The following CCDC93 variants were observed in gnomAD, a reference collection of about 807,000 sequenced individuals.
CCDC93 encodes coiled-coil domain-containing protein 93.
CCDC93 carries 61 observed loss-of-function variants against 108.2 expected under a neutral mutation model. The observed-to-expected ratio is 0.56, with a 90% CI of 0.46 to 0.70. The LOEUF is 0.70. Among genes scored for constraint, CCDC93 ranks in the 30% least tolerant of loss-of-function variants. The pLI is 0.00. For missense variants in CCDC93, 685 were observed against 764.2 expected, an observed-to-expected ratio of 0.90 and a Z score of 1.22; for synonymous variants, 276 against 260.4, an observed-to-expected ratio of 1.06 and a Z score of -0.58.
intron 13 of CCDC93, 55 bp downstream of exon 13, chr2:117,952,318 G>T: frequency 8.4e-7 from 1 of 1,191,266 alleles, no homozygotes; most frequent in Non-Finnish European, 1.3e-6. Flanking sequence ...AGTGGTTCAG[G>T]TCAAAAACAA....
intron 21 of CCDC93, 57 bp downstream of exon 21, chr2:117,936,645 G>A: frequency 2.9e-6 from 4 of 1,380,926 alleles, no homozygotes; most frequent in Non-Finnish European, 4.1e-6. Flanking sequence ...GAGGTGGGCT[G>A]AATTCAAAGC....
At chr2:117,920,622 T>C (rs1422792824) in intron 23 of CCDC93, among the ~76,000 whole-genome samples, 4 of 152,042 alleles carry the variant, frequency 2.6e-5, no homozygotes, top group South Asian at 2.1e-4. Flanking sequence ...AGACTGAAAA[T>C]AGGATGAGAG....
chr2:117,989,816 A>G (rs1374062878), intron 6 of CCDC93, among the ~76,000 whole-genome samples: 2 of 152,220 alleles, frequency 1.3e-5, no homozygotes, highest in Admixed American at 6.5e-5. Context: ...GTGTACTATT[A>G]TTAACATTGC....
intron 23 of CCDC93, among the ~76,000 whole-genome samples, chr2:117,930,369 G>GA (rs1219666550): frequency 6.6e-6 from 1 of 152,160 alleles, no homozygotes; most frequent in African/African-American, 2.4e-5. Context: ...AGTCTTTTTG[G>GA]AAAATCTCTT....
intron 11 of CCDC93, among the ~76,000 whole-genome samples, chr2:117,958,696 G>T (rs551216118): frequency 8.1e-4 from 124 of 152,214 alleles, no homozygotes; most frequent in African/African-American, 2.9e-3. Context: ...TGGGCTGAGG[G>T]AACAGCATGT....
intron 23 of CCDC93, chr2:117,921,585 G>C (rs959333126): frequency 1.3e-5 from 2 of 152,144 alleles, no homozygotes; most frequent in African/African-American, 2.4e-5. Flanking sequence ...TTTCCTGGAG[G>C]TGCATTTATT....
intron 8 of CCDC93, among the ~76,000 whole-genome samples, chr2:117,976,113 A>C (rs1679934926): frequency 6.6e-6 from 1 of 152,168 alleles, no homozygotes; most frequent in Admixed American, 6.5e-5. Flanking sequence ...CAACTCTAGG[A>C]TGCTTTTCTA....
intron 1 of CCDC93, among the ~76,000 whole-genome samples, chr2:118,009,816 C>A (rs1259995827): frequency 6.6e-6 from 1 of 152,142 alleles, no homozygotes; most frequent in Non-Finnish European, 1.5e-5. Flanking sequence ...GGCTTCCAAC[C>A]CAGATACATT....
intron 11 of CCDC93, among the ~76,000 whole-genome samples, chr2:117,968,152 C>T (rs747948593): frequency 4.6e-5 from 7 of 152,264 alleles, no homozygotes; most frequent in Admixed American, 2.6e-4. Flanking sequence ...GCGGTCAAAA[C>T]GGTGTATGGT....
At chr2:117,970,617 C>G (rs763118382) in intron 11 of CCDC93, among the ~76,000 whole-genome samples, 1 of 152,178 alleles carries the variant, frequency 6.6e-6, no homozygotes, top group Non-Finnish European at 1.5e-5. Flanking sequence ...AAACGTTACT[C>G]GAGTATAGTC....
Position 117,937,151 on chromosome 2 carries a change from A to G in CCDC93, c.1606-412T>C, listed in dbSNP as rs78810381. ...CGGGAGTCAGACAGTGTGGAAAGTG[A>G]GAGTCGTTTACACCCTATTCCTTCC... is the stretch of plus-strand genomic sequence containing the variant. On this transcript the variant is annotated intron_variant, in intron 20 of 23. Transcript: ENST00000376300. Among the ~76,000 whole-genome samples, 851 of 152,330 alleles carry G rather than the reference A, an allele frequency of 5.6e-3. 8 individuals are homozygous for G. Among genetic ancestry groups the G allele is most frequent in the African/African-American group, 0.02 (813 of 41,570 alleles).
chr2:117,973,012 T>C (rs1047217162), intron 11 of CCDC93, among the ~76,000 whole-genome samples: 14 of 152,130 alleles, frequency 9.2e-5, no homozygotes, highest in Admixed American at 2.0e-4. Context: ...GTCCTTCAAG[T>C]CTCCCTCCCA....
chr2:118,013,321 C>T (rs1677070039), intron 1 of CCDC93, among the ~76,000 whole-genome samples: 1 of 152,250 alleles, frequency 6.6e-6, no homozygotes, highest in South Asian at 2.1e-4. Flanking sequence ...CCCCGCCACA[C>T]AGCACCCCTG....
At chr2:118,002,281 GAGAC>G (rs1268533577) in intron 3 of CCDC93, among the ~76,000 whole-genome samples, 2 of 152,128 alleles carry the variant, frequency 1.3e-5, no homozygotes, top group African/African-American at 4.8e-5. Flanking sequence ...TCCTTCCAAG[GAGAC>G]AGATACCCTC....
At chr2:117,945,641 C>T (rs1678847820) in intron 16 of CCDC93, 59 bp from the exon 17 acceptor site, 3 of 1,476,492 alleles carry the variant, frequency 2.0e-6, no homozygotes, top group Non-Finnish European at 2.8e-6. Context: ...AAGACAGAAG[C>T]CAAGGATCTA....
At chr2:117,940,452 T>A (rs1573472600) in intron 19 of CCDC93, among the ~76,000 whole-genome samples, 1 of 151,634 alleles carries the variant, frequency 6.6e-6, no homozygotes, top group Non-Finnish European at 1.5e-5. Context: ...AAGGCCAGAG[T>A]GAGGGTTCAG....
intron 19 of CCDC93, among the ~76,000 whole-genome samples, 199 bp downstream of exon 19, chr2:117,940,990 T>C (rs1050563906): frequency 1.3e-5 from 2 of 152,176 alleles, no homozygotes; most frequent in African/African-American, 4.8e-5. Flanking sequence ...GGTTCAACTA[T>C]CTGTCCACGG....
At position 117,920,344 on chromosome 2, in the gene CCDC93, C is replaced by A; in HGVS notation, c.1895G>T (p.Ter632LeuextTer10). The A allele has an allele frequency of 6.2e-7, 1 of 1,611,790 alleles. No individual in the cohort carries two copies. The highest frequency in any genetic ancestry group is 1.1e-5 in the South Asian group (1 of 90,876). Residue 632 changes from the stop codon to leucine (L), a stop_lost, in exon 24 of 24, where the codon TGA (stop) becomes TTA (leucine). Coordinates refer to ENST00000376300, the MANE Select transcript of CCDC93 (RefSeq NM_019044.5). ...LLSKVKAKAS* is the reference protein window; with the variant it reads ...LLSKVKAKASL ...ACATACAGCCACGGCTGGGGATGTT[C>A]AGGAGGCCTTCGCTTTCACCTTGGA...
chr2:117,925,463 G>T (rs972632966), intron 23 of CCDC93, among the ~76,000 whole-genome samples: 2 of 152,112 alleles, frequency 1.3e-5, no homozygotes, highest in Non-Finnish European at 2.9e-5. Flanking sequence ...AAAGGCAGGG[G>T]TTGCAATCCT....
Sources: allele counts gnomAD v4.1 joint callset (sites outside exome capture counted in the v4.1 genomes callset), GRCh38; gene constraint gnomAD v4.1.1; transcripts MANE v1.5; gene names NCBI Gene and HGNC (gene_info 2026-07-23, HGNC 2026-07-21).